Variants in CDH13 observed in about 807,000 individuals in gnomAD.
CDH13 encodes cadherin-13.
Under a neutral mutation model 63.8 loss-of-function variants are expected in CDH13, and 24 were observed. The ratio of observed to expected loss-of-function variants is 0.38; its 90% CI spans 0.27 to 0.53. The LOEUF is 0.53. CDH13 is among the 20% of genes least tolerant of loss of function. The pLI, the probability that CDH13 is intolerant of heterozygous loss-of-function variation, is 0.85. For missense variants in CDH13, 1,049 were observed against 903.1 expected (o/e 1.16, Z -2.07); for synonymous variants, 503 against 355.3 (o/e 1.42, Z -4.67).
intron 10 of CDH13, chr16:83,725,953 C>G (rs758828720): frequency 1.5e-4 from 23 of 152,164 alleles, no homozygotes; most frequent in Non-Finnish European, 3.1e-4. Context: ...CATGATCTTA[C>G]TTTGGAAAAA....
chr16:83,291,280 G>A (rs956726428), intron 5 of CDH13, among the ~76,000 whole-genome samples: 2 of 152,130 alleles, frequency 1.3e-5, no homozygotes, highest in Admixed American at 6.5e-5. Flanking sequence ...TAGAGGTCAC[G>A]TAGTAAATAT....
At chr16:82,788,681 A>G (rs1047886655) in intron 1 of CDH13, among the ~76,000 whole-genome samples, 1 of 152,236 alleles carries the variant, frequency 6.6e-6, no homozygotes, top group African/African-American at 2.4e-5. Flanking sequence ...TGAATTTGGC[A>G]GAAGCCAGCA....
intron 8 of CDH13, among the ~76,000 whole-genome samples, chr16:83,652,268 G>A (rs1912453992): frequency 6.6e-6 from 1 of 152,242 alleles, no homozygotes; most frequent in African/African-American, 2.4e-5. Flanking sequence ...TCAATTCCGT[G>A]TATGAATTTA....
chr16:83,175,097 C>T (rs1372151004), intron 4 of CDH13, among the ~76,000 whole-genome samples: 1 of 152,010 alleles, frequency 6.6e-6, no homozygotes, highest in African/African-American at 2.4e-5. Context: ...CTATTATATG[C>T]AGTACATACA....
intron 3 of CDH13, among the ~76,000 whole-genome samples, chr16:83,121,919 T>C (rs2035595437): frequency 1.3e-5 from 2 of 152,072 alleles, no homozygotes; most frequent in South Asian, 2.1e-4. Flanking sequence ...GCTTATCTTG[T>C]TTCCTGTTTG....
At chr16:83,409,311 A>T (rs1442537247) in intron 6 of CDH13, among the ~76,000 whole-genome samples, 2 of 152,166 alleles carry the variant, frequency 1.3e-5, no homozygotes, top group Non-Finnish European at 2.9e-5. Flanking sequence ...TAGGGACATT[A>T]ATCCCCCAGC....
intron 1 of CDH13, among the ~76,000 whole-genome samples, chr16:82,740,592 G>A (rs1318599340): frequency 6.6e-6 from 1 of 152,176 alleles, no homozygotes; most frequent in Non-Finnish European, 1.5e-5. Flanking sequence ...GCTCAGCTGG[G>A]CTTGACTCCA....
At chr16:82,671,599 A>G (rs1220073510) in intron 1 of CDH13, among the ~76,000 whole-genome samples, 1 of 152,174 alleles carries the variant, frequency 6.6e-6, no homozygotes, top group East Asian at 1.9e-4. Context: ...TTTTCTCACT[A>G]ATCCTTTGTG....
At chr16:83,391,063 C>T (rs2091776033) in intron 6 of CDH13, among the ~76,000 whole-genome samples, 1 of 152,170 alleles carries the variant, frequency 6.6e-6, no homozygotes, top group African/African-American at 2.4e-5. Context: ...AAATGGGTTC[C>T]AATGACTCAG....
chr16:83,002,047 G>C (rs573448016), intron 2 of CDH13, among the ~76,000 whole-genome samples: 1 of 152,294 alleles, frequency 6.6e-6, no homozygotes, highest in East Asian at 1.9e-4. Context: ...ACTTCAACGT[G>C]CCATACTGTC....
chr16:82,743,984 T>C (rs2034049431), intron 1 of CDH13, among the ~76,000 whole-genome samples: 1 of 152,336 alleles, frequency 6.6e-6, no homozygotes, highest in Admixed American at 6.5e-5. Context: ...CTTTTAGACT[T>C]TGGAGAAAAC....
intron 8 of CDH13, among the ~76,000 whole-genome samples, chr16:83,648,620 A>G (rs906616459): frequency 2.0e-5 from 3 of 152,132 alleles, no homozygotes; most frequent in African/African-American, 4.8e-5. Flanking sequence ...CATGGTTTCT[A>G]CTGACACCGA....
chr16:83,667,754 C>T (rs1465025042), intron 8 of CDH13, among the ~76,000 whole-genome samples: 1 of 152,140 alleles, frequency 6.6e-6, no homozygotes, highest in Admixed American at 6.5e-5. Context: ...AACTCCTACA[C>T]TCAAGAGATC....
At chr16:82,714,479 C>G (rs577670151) in intron 1 of CDH13, among the ~76,000 whole-genome samples, 4 of 151,744 alleles carry the variant, frequency 2.6e-5, no homozygotes, top group Non-Finnish European at 5.9e-5. Flanking sequence ...TTTGAGAGGC[C>G]GAGGCTGGCA....
intron 6 of CDH13, among the ~76,000 whole-genome samples, chr16:83,377,615 A>T (rs1005847220): frequency 6.6e-6 from 1 of 152,254 alleles, no homozygotes; most frequent in South Asian, 2.1e-4. Flanking sequence ...ATGTAAAAAT[A>T]AAGCAAAAGT....
chr16:82,644,672 C>A lies in CDH13; in HGVS notation c.45+17535C>A, dbSNP rs577624747. Among the ~76,000 whole-genome samples, 2 of 152,284 alleles carry A rather than the reference C, an allele frequency of 1.3e-5. No homozygotes were observed. The highest frequency in any genetic ancestry group is 2.9e-5 in the Non-Finnish European group (2 of 68,024). ...CTTTGGGCTGGGGCAGAAGTCAGGA[C>A]TTGAACTGGCTCTGGCTGGGACCCA... On this transcript the variant is annotated intron_variant, in intron 1 of 13. Transcript: ENST00000567109. The surrounding 1 kb of genome is among the most constrained non-coding windows in gnomAD (Gnocchi z 5.7).
chr16:83,015,677 G>GTATATATATATATATATATATA (rs71148803), intron 2 of CDH13, among the ~76,000 whole-genome samples: 2 of 37,566 alleles, frequency 5.3e-5, no homozygotes, highest in Non-Finnish European at 9.7e-5. Flanking sequence ...GTGTGTGTAT[G>GTATATATATATATATATATATA]TATATATATA....
At chr16:83,393,729 A>C (rs1224475158) in intron 6 of CDH13, among the ~76,000 whole-genome samples, 1 of 152,224 alleles carries the variant, frequency 6.6e-6, no homozygotes, top group Non-Finnish European at 1.5e-5. Flanking sequence ...TCAAGGAACC[A>C]GGCTCAGCCC....
chr16:82,712,746 G>A (rs1038797188), intron 1 of CDH13, among the ~76,000 whole-genome samples: 1 of 152,128 alleles, frequency 6.6e-6, no homozygotes, highest in African/African-American at 2.4e-5. Flanking sequence ...TTGACTGTTC[G>A]CATAGCCTTT....
Sources: gnomAD v4.1 joint callset for allele counts (sites outside exome capture counted in the v4.1 genomes callset) on GRCh38, gnomAD v4.1.1 for gene constraint, Gnocchi (gnomAD v3.1) non-coding constraint, MANE v1.5 for transcripts, NCBI Gene and HGNC (gene_info 2026-07-23, HGNC 2026-07-21) for gene names.